The following CSMD3 variants were observed in gnomAD, a reference collection of about 807,000 sequenced individuals.
CSMD3 encodes the protein CUB and Sushi multiple domains 3.
A neutral mutation model predicts 435.2 loss-of-function variants in CSMD3; 177 were observed. The observed-to-expected ratio is 0.41, with a 90% confidence interval of 0.36 to 0.46. CSMD3 has a LOEUF of 0.46. Among genes scored for constraint, CSMD3 ranks in the 20% least tolerant of loss-of-function variants. The pLI, the probability that CSMD3 is intolerant of heterozygous loss-of-function variation, is 0.34. For missense variants in CSMD3, 4,265 were observed against 4,504.6 expected (o/e 0.95, Z 1.52); for synonymous variants, 1,656 against 1,520.5 (o/e 1.09, Z -2.07).
chr8:112,866,079 T>A (rs541502192), intron 10 of CSMD3, among the ~76,000 whole-genome samples: 1 of 152,234 alleles, frequency 6.6e-6, no homozygotes, highest in East Asian at 1.9e-4. Flanking sequence ...TGTATTAGGG[T>A]TGTTGAAAGA....
intron 36 of CSMD3, among the ~76,000 whole-genome samples, chr8:112,386,311 T>C (rs1829945311): frequency 6.6e-6 from 1 of 152,172 alleles, no homozygotes; most frequent in Non-Finnish European, 1.5e-5. Context: ...GCCAGAGAGA[T>C]GTAATATAAT....
At chr8:113,267,063 C>A (rs2093477487) in intron 3 of CSMD3, among the ~76,000 whole-genome samples, 1 of 151,336 alleles carries the variant, frequency 6.6e-6, no homozygotes, top group Non-Finnish European at 1.5e-5. Flanking sequence ...ATCACTTGTC[C>A]CAATCAGAAT....
chr8:112,415,347 C>T (rs779207047), intron 32 of CSMD3, among the ~76,000 whole-genome samples: 33 of 152,242 alleles, frequency 2.2e-4, no homozygotes, highest in Non-Finnish European at 2.8e-4. Flanking sequence ...GCAGCTTTCA[C>T]ACGGTGTTGA....
chr8:112,751,639 T>C (rs2077572985), intron 13 of CSMD3, among the ~76,000 whole-genome samples: 1 of 143,134 alleles, frequency 7.0e-6, no homozygotes, highest in Non-Finnish European at 1.6e-5. Context: ...TTTTTTTTTT[T>C]TTTTATATAT....
At chr8:112,604,422 T>C (rs939453071) in intron 22 of CSMD3, among the ~76,000 whole-genome samples, 1 of 152,118 alleles carries the variant, frequency 6.6e-6, no homozygotes, top group Non-Finnish European at 1.5e-5. Context: ...GTGGTACTGA[T>C]ATAAAAATAG....
chr8:112,443,269 G>C lies in CSMD3; in HGVS notation c.5395+29322C>G, dbSNP rs1432941251. Among the ~76,000 whole-genome samples, 3 of 152,232 alleles carry C rather than the reference G, an allele frequency of 2.0e-5. 1 individual carries two copies. Among genetic ancestry groups the C allele is most frequent in the Admixed American group, 2.0e-4 (3 of 15,288 alleles). On this transcript the variant is annotated intron_variant, in intron 32 of 70. Transcript: ENST00000297405. ...CTAACTCTGATTCGTGAACCTTACA[G>C]GTAATAAAACATACAGTAGCAAACG...
chr8:112,328,125 C>T (rs182034308), intron 45 of CSMD3, among the ~76,000 whole-genome samples: 1 of 152,288 alleles, frequency 6.6e-6, no homozygotes, highest in East Asian at 1.9e-4. Context: ...AAACTCTAAG[C>T]TCTATATAAG....
At chr8:113,210,002 AG>A (rs1160842737) in intron 3 of CSMD3, among the ~76,000 whole-genome samples, 3 of 91,478 alleles carry the variant, frequency 3.3e-5, no homozygotes, top group African/African-American at 1.1e-4. Flanking sequence ...TTCTCCTAAA[AG>A]GTGTGTGTGT....
intron 10 of CSMD3, among the ~76,000 whole-genome samples, chr8:112,871,790 A>G (rs2081143002): frequency 1.3e-5 from 2 of 152,096 alleles, no homozygotes; most frequent in African/African-American, 4.8e-5. Context: ...AACTCTTAAT[A>G]GTGTATGGGA....
intron 5 of CSMD3, among the ~76,000 whole-genome samples, chr8:113,051,733 A>T (rs927698308): frequency 6.6e-6 from 1 of 152,234 alleles, no homozygotes; most frequent in Non-Finnish European, 1.5e-5. Context: ...TCAGGTCTTC[A>T]TTTGAAATTC....
intron 23 of CSMD3, among the ~76,000 whole-genome samples, chr8:112,578,472 C>T (rs1830109436): frequency 6.6e-6 from 1 of 151,756 alleles, no homozygotes; most frequent in African/African-American, 2.4e-5. Flanking sequence ...TACAAATTGG[C>T]ACTTTGAGAG....
chr8:113,248,703 TATTTA>T (rs1451596098), intron 3 of CSMD3, among the ~76,000 whole-genome samples: 3 of 151,434 alleles, frequency 2.0e-5, no homozygotes, highest in African/African-American at 4.8e-5. Flanking sequence ...TCCAATAAGT[TATTTA>T]ATTTATTTCC....
chr8:113,302,885 A>C (rs2132602037), intron 2 of CSMD3, among the ~76,000 whole-genome samples: 1 of 145,212 alleles, frequency 6.9e-6, no homozygotes, highest in Admixed American at 7.2e-5. Context: ...GCTCCTATTC[A>C]ACATAGTGTT....
At chr8:112,623,627 C>T (rs988150088) in intron 22 of CSMD3, among the ~76,000 whole-genome samples, 1 of 31,016 alleles carries the variant, frequency 3.2e-5, no homozygotes, top group African/African-American at 1.6e-4. Flanking sequence ...AACTCGTCAT[C>T]TAGCATTAGG....
At chr8:112,378,032 C>G (rs781545894) in intron 38 of CSMD3, among the ~76,000 whole-genome samples, 3 of 151,816 alleles carry the variant, frequency 2.0e-5, no homozygotes, top group Non-Finnish European at 4.4e-5. Flanking sequence ...AAAAGGCATC[C>G]AAGTGAAAAA....
At chr8:112,859,067 G>GC (rs1410415505) in intron 11 of CSMD3, 78 bp downstream of exon 11, 1 of 1,352,832 alleles carries the variant, frequency 7.4e-7, no homozygotes, top group Non-Finnish European at 1.1e-6. Context: ...TTTCCATACT[G>GC]CATGTTCCGT....
intron 4 of CSMD3, among the ~76,000 whole-genome samples, chr8:113,135,625 A>G (rs998865922): frequency 6.6e-6 from 1 of 151,942 alleles, no homozygotes; most frequent in African/African-American, 2.4e-5. Flanking sequence ...TTATTTAAAT[A>G]TTAAAAATTT....
chr8:112,686,540 G>A (rs1376349640), intron 14 of CSMD3, among the ~76,000 whole-genome samples: 1 of 148,830 alleles, frequency 6.7e-6, no homozygotes, highest in Non-Finnish European at 1.5e-5. Flanking sequence ...AGGCTGGAGT[G>A]CAGTGGCACC....
intron 47 of CSMD3, among the ~76,000 whole-genome samples, chr8:112,317,147 T>G (rs545528378): frequency 6.6e-6 from 1 of 151,964 alleles, no homozygotes; most frequent in Non-Finnish European, 1.5e-5. Context: ...TGAAGTGTTA[T>G]CAGGAGACAA....
Sources: gnomAD v4.1 joint callset for allele counts (sites outside exome capture counted in the v4.1 genomes callset) on GRCh38, gnomAD v4.1.1 for gene constraint, MANE v1.5 for transcripts, NCBI Gene and HGNC (gene_info 2026-07-23, HGNC 2026-07-21) for gene names.